The following SIM1 variants were observed in gnomAD, a reference collection of about 807,000 sequenced individuals.
SIM1 encodes the protein single-minded homolog 1.
In SIM1, 18 loss-of-function variants were observed where a neutral mutation model predicts 78.2. The ratio of observed to expected loss-of-function variants is 0.23; its 90% CI spans 0.16 to 0.34. The LOEUF (loss-of-function observed/expected upper bound fraction) is 0.34. SIM1 is among the 10% of genes least tolerant of loss of function. The pLI, the probability that SIM1 is intolerant of heterozygous loss-of-function variation, is 1.00. For synonymous variants in SIM1, 417 were observed against 385.2 expected, an observed-to-expected ratio of 1.08 and a Z score of -0.97; for missense variants, 939 against 975.1, an observed-to-expected ratio of 0.96 and a Z score of 0.49.
chr6:100,433,835 T>C (rs1771971102), intron 9 of SIM1, among the ~76,000 whole-genome samples: 1 of 151,570 alleles, frequency 6.6e-6, no homozygotes, highest in Admixed American at 6.6e-5. Context: ...AGGGACTTTG[T>C]CTCTTTCAGC....
chr6:100,448,426 A>G (rs1772419123), intron 7 of SIM1, 53 bp downstream of exon 7: 3 of 1,566,918 alleles, frequency 1.9e-6, no homozygotes, highest in South Asian at 2.3e-5. Context: ...CTCAGTCACT[A>G]AGCAGGGCCG....
chr6:100,462,991 T>C lies in SIM1; in HGVS notation c.175+303A>G, dbSNP rs2114561862. ...AAAAAGAAAGTCATGTTTGGATTAG[T>C]AGTACTTTCAATTGAGCCTAGTATC... On this transcript the variant is annotated intron_variant, in intron 2 of 11. Transcript: ENST00000369208. 1.0e-5 allele frequency: 3 copies of C among 294,096 alleles called. No homozygotes were observed. In the East Asian group the frequency reaches 1.8e-4, roughly 17 times the overall value. 18.2% of individuals were successfully genotyped at this position (294,096 alleles called of 1,614,324 possible). A position where few individuals can be genotyped will look rare whatever the true frequency, so the allele number is the denominator to read the frequency against.
At chr6:100,428,763 T>C (rs191041835) in intron 9 of SIM1, among the ~76,000 whole-genome samples, 17 of 152,168 alleles carry the variant, frequency 1.1e-4, no homozygotes, top group South Asian at 6.2e-4. Flanking sequence ...AATGTATGTA[T>C]AGGAAAACAC....
intron 10 of SIM1, among the ~76,000 whole-genome samples, chr6:100,419,308 T>C (rs989893548): frequency 1.3e-5 from 2 of 152,200 alleles, no homozygotes; most frequent in African/African-American, 4.8e-5. Context: ...TCCTTTCTTT[T>C]GCCAGAGTAA....
chr6:100,431,776 G>A (rs1312028513), intron 9 of SIM1, among the ~76,000 whole-genome samples: 5 of 152,164 alleles, frequency 3.3e-5, no homozygotes, highest in East Asian at 1.9e-4. Flanking sequence ...TGGCCATGAC[G>A]AAGATGTCTC....
intron 9 of SIM1, among the ~76,000 whole-genome samples, chr6:100,425,645 G>A (rs17301284): frequency 1.3e-3 from 200 of 152,052 alleles, no homozygotes; most frequent in African/African-American, 4.1e-3. Context: ...TAAATTGAGC[G>A]TTTCATTTGT....
At chr6:100,448,024 C>G in intron 8 of SIM1, 122 bp downstream of exon 8, 1 of 735,574 alleles carries the variant, frequency 1.4e-6, no homozygotes, top group Non-Finnish European at 2.2e-6. Context: ...CACACACCAC[C>G]ACCACCCGGC....
At chr6:100,420,721 A>G (rs1342018505) in intron 10 of SIM1, 69 bp downstream of exon 10, 1 of 1,430,484 alleles carries the variant, frequency 7.0e-7, no homozygotes, top group Non-Finnish European at 9.8e-7. Flanking sequence ...TAGTTTTAAT[A>G]CTTTCTCAAC....
At chr6:100,419,283 A>C (rs778748298) in intron 10 of SIM1, among the ~76,000 whole-genome samples, 14 of 152,226 alleles carry the variant, frequency 9.2e-5, no homozygotes, top group Non-Finnish European at 2.1e-4. Context: ...ACATCTGGGC[A>C]TCACACATCT....
chr6:100,419,030 G>A (rs544785705), intron 10 of SIM1, among the ~76,000 whole-genome samples: 2 of 152,022 alleles, frequency 1.3e-5, no homozygotes, highest in African/African-American at 4.8e-5. Context: ...AGACGGGCGT[G>A]GTGGCAGTGC....
In SIM1 at chr6:100,390,715, G is replaced by A; in HGVS notation, c.1947C>T (p.Asp649=). The A allele has an allele frequency of 6.2e-7, 1 of 1,614,094 alleles. No individual in the cohort carries two copies. Among genetic ancestry groups the A allele is most frequent in the Admixed American group, 1.7e-5 (1 of 60,014 alleles). ...TCCGAGATAGTGCGGTGGGACTGTT[G>A]TCATAGTCATTTTCATGGGGGCTCA... ...KMLSPHENDY[D]NSPTALSRIS... is the part of the protein sequence containing the mutation. The change falls in exon 12 of 12, where the codon GAC becomes GAT. Residue 649 remains aspartate, a synonymous_variant. Coordinates refer to ENST00000369208, the MANE Select transcript of SIM1 (RefSeq NM_005068.3).
intron 10 of SIM1, among the ~76,000 whole-genome samples, chr6:100,419,764 C>A (rs1178392800): frequency 6.6e-6 from 1 of 152,114 alleles, no homozygotes; most frequent in Non-Finnish European, 1.5e-5. Flanking sequence ...GTCTCAGCCT[C>A]CTGAGTAGCT....
intron 10 of SIM1, among the ~76,000 whole-genome samples, chr6:100,406,679 C>T (rs1771058468): frequency 6.6e-6 from 1 of 152,074 alleles, no homozygotes; most frequent in Admixed American, 6.5e-5. Flanking sequence ...AGAACCTTTG[C>T]CTCAAGCTTT....
At chr6:100,442,004 T>C (rs1232301323) in intron 9 of SIM1, among the ~76,000 whole-genome samples, 1 of 152,162 alleles carries the variant, frequency 6.6e-6, no homozygotes, top group Non-Finnish European at 1.5e-5. Context: ...ACACCAGCTT[T>C]TAATTCTGGC....
In SIM1 at chr6:100,387,248, T is replaced by G. The variant is rs1770533152; in HGVS notation, c.*3113A>C. Reference sequence around the variant, plus strand: ...TACTTCTGTATCTATTTCAATCAAGTTTCATGTTTCTCAACATTTGGCAAA... The same window carrying G: ...TACTTCTGTATCTATTTCAATCAAGGTTCATGTTTCTCAACATTTGGCAAA... On this transcript the variant is annotated 3_prime_UTR_variant, in exon 12 of 12. Coordinates refer to ENST00000369208, the MANE Select transcript of SIM1 (RefSeq NM_005068.3). The G allele has an allele frequency of 6.6e-6, 1 of 152,090 alleles. No homozygotes were observed. Among genetic ancestry groups the G allele is most frequent in the Non-Finnish European group, 1.5e-5 (1 of 67,930 alleles). 9.4% of individuals were successfully genotyped at this position (152,090 alleles called of 1,614,324 possible).
intron 3 of SIM1, 101 bp from the exon 4 acceptor site, chr6:100,450,457 G>C (rs1260048497): frequency 5.1e-6 from 5 of 986,380 alleles, no homozygotes; most frequent in East Asian, 2.4e-5. Flanking sequence ...AAAGTGTAGA[G>C]AGATGGAGTG....
intron 10 of SIM1, among the ~76,000 whole-genome samples, chr6:100,416,508 C>T (rs1422571389): frequency 6.6e-6 from 1 of 152,090 alleles, no homozygotes; most frequent in Non-Finnish European, 1.5e-5. Context: ...GCTCTGGAAA[C>T]TGCCTCTTGA....
intron 9 of SIM1, among the ~76,000 whole-genome samples, chr6:100,440,035 A>C (rs1772167062): frequency 6.6e-6 from 1 of 152,230 alleles, no homozygotes; most frequent in Non-Finnish European, 1.5e-5. Context: ...AGGATACAGA[A>C]AGTCAAGTTA....
intron 10 of SIM1, among the ~76,000 whole-genome samples, chr6:100,412,670 AG>A: frequency 2.9e-5 from 4 of 136,344 alleles, no homozygotes; most frequent in Non-Finnish European, 6.3e-5. Context: ...AGAGAGAGAG[AG>A]AGAAAGAAAG....
Sources: gnomAD v4.1 joint callset for allele counts (sites outside exome capture counted in the v4.1 genomes callset) on GRCh38, gnomAD v4.1.1 for gene constraint, MANE v1.5 for transcripts, NCBI Gene and HGNC (gene_info 2026-07-23, HGNC 2026-07-21) for gene names.